The following PLA2G4A variants were observed in gnomAD, a reference collection of about 807,000 sequenced individuals.
The protein encoded by PLA2G4A is cytosolic phospholipase A2.
Under a neutral mutation model 81.9 loss-of-function variants are expected in PLA2G4A, and 40 were observed. The observed-to-expected ratio is 0.49, with a 90% CI of 0.38 to 0.64. PLA2G4A has a LOEUF of 0.64. Ranked by LOEUF, PLA2G4A falls within the 30% of genes least tolerant of loss-of-function variation. The pLI is 0.00. For synonymous variants in PLA2G4A, 302 were observed against 296.9 expected (o/e 1.02, Z -0.18); for missense variants, 715 against 905.1 (o/e 0.79, Z 2.69).
intron 1 of PLA2G4A, among the ~76,000 whole-genome samples, chr1:186,830,312 AAGTAAGT>A (rs1651498284): frequency 6.6e-6 from 1 of 152,182 alleles, no homozygotes. Flanking sequence ...TATTTTTAAA[AAGTAAGT>A]TATTCTGGCT....
intron 5 of PLA2G4A, among the ~76,000 whole-genome samples, chr1:186,897,539 C>T (rs1430241342): frequency 6.6e-6 from 1 of 151,930 alleles, no homozygotes; most frequent in South Asian, 2.1e-4. Context: ...GACAGGGTCT[C>T]GCTCTGTTGC....
intron 13 of PLA2G4A, among the ~76,000 whole-genome samples, chr1:186,954,643 T>C (rs1179498961): frequency 8.0e-6 from 1 of 125,006 alleles, no homozygotes; most frequent in Non-Finnish European, 1.6e-5. Flanking sequence ...TTATTGGAAA[T>C]TATGAAGCTG....
At position 186,988,417 on chromosome 1, in the gene PLA2G4A, G is replaced by C; in HGVS notation, c.2159G>C (p.Arg720Thr). The change falls in exon 18 of 18, where the codon AGA becomes ACA. Residue 720 changes from arginine to threonine, a missense_variant. Arg to Thr is a moderately conservative substitution (Grantham distance 71). Coordinates refer to ENST00000367466, the MANE Select transcript of PLA2G4A (RefSeq NM_024420.3). ...ATGGTTGAAAGCATTGAATATAGAA[G>C]ACAGAATCCATCTCGTTGCTCTGTT... ...EAMVESIEYR[R>T]QNPSRCSVSL... is the part of the protein sequence containing the mutation. 6.2e-7 allele frequency: 1 copy of C among 1,611,752 alleles called. No homozygotes were observed. Among genetic ancestry groups the C allele is most frequent in the Non-Finnish European group, 8.5e-7 (1 of 1,178,056 alleles).
chr1:186,829,401 A>T (rs1043573349), intron 1 of PLA2G4A, among the ~76,000 whole-genome samples: 1 of 152,242 alleles, frequency 6.6e-6, no homozygotes, highest in Non-Finnish European at 1.5e-5. Flanking sequence ...CTTGAGCAGC[A>T]GCATGCTGTG....
intron 15 of PLA2G4A, among the ~76,000 whole-genome samples, chr1:186,968,704 G>T (rs947094738): frequency 1.3e-5 from 2 of 151,248 alleles, no homozygotes; most frequent in Non-Finnish European, 3.0e-5. Context: ...CATTATCCTT[G>T]CACATGAATC....
chr1:186,907,293 G>A (rs1184001132), intron 6 of PLA2G4A, among the ~76,000 whole-genome samples: 3 of 152,138 alleles, frequency 2.0e-5, no homozygotes, highest in Admixed American at 6.5e-5. Context: ...CCCTCTAGTC[G>A]TACATCTATT....
chr1:186,849,278 A>T (rs1436059129), intron 1 of PLA2G4A, among the ~76,000 whole-genome samples: 1 of 152,078 alleles, frequency 6.6e-6, no homozygotes, highest in African/African-American at 2.4e-5. Context: ...AATAAGATAA[A>T]TATGGCCACT....
chr1:186,979,183 A>C lies in PLA2G4A; in HGVS notation c.1961-132A>C. 4 of 710,636 alleles carry C rather than the reference A, an allele frequency of 5.6e-6. No individual in the cohort carries two copies. The South Asian group carries it at 6.1e-5, about 11-fold the overall frequency. 44.0% of individuals were successfully genotyped at this position (710,636 alleles called of 1,614,324 possible). A position where few individuals can be genotyped will look rare whatever the true frequency, so the allele number is the denominator to read the frequency against. On this transcript the variant is annotated intron_variant, in intron 16 of 17. Coordinates refer to ENST00000367466, the MANE Select transcript of PLA2G4A (RefSeq NM_024420.3). ...AACACACAGACACGATAAAAGTCAG[A>C]GATGCTACAGAGTACCTGGCTCTGT...
intron 3 of PLA2G4A, among the ~76,000 whole-genome samples, chr1:186,878,999 A>G (rs1312120536): frequency 1.3e-5 from 2 of 151,830 alleles, no homozygotes; most frequent in African/African-American, 4.8e-5. Flanking sequence ...AATGCTTACT[A>G]TATGTTATTT....
intron 8 of PLA2G4A, among the ~76,000 whole-genome samples, chr1:186,934,268 C>CT (rs1446166864): frequency 1.3e-5 from 2 of 151,948 alleles, no homozygotes; most frequent in East Asian, 3.9e-4. Context: ...TTAAACTCAT[C>CT]TAATAAAGCA....
intron 6 of PLA2G4A, among the ~76,000 whole-genome samples, chr1:186,907,370 C>T (rs1375558211): frequency 6.6e-6 from 1 of 152,112 alleles, no homozygotes; most frequent in East Asian, 1.9e-4. Flanking sequence ...TATTCAAAAA[C>T]ATAGAAGTGA....
chr1:186,849,297 G>A (rs954633575), intron 1 of PLA2G4A, among the ~76,000 whole-genome samples: 1 of 152,028 alleles, frequency 6.6e-6, no homozygotes, highest in African/African-American at 2.4e-5. Context: ...CTGACTTAAT[G>A]CCTCTTTTGT....
chr1:186,878,569 A>G (rs572616474), intron 3 of PLA2G4A, among the ~76,000 whole-genome samples: 3 of 151,892 alleles, frequency 2.0e-5, no homozygotes, highest in South Asian at 2.1e-4. Flanking sequence ...TCTCTCTCAC[A>G]TCTCTTATCT....
In PLA2G4A at chr1:186,988,396, T is replaced by A. The variant is rs377637574; in HGVS notation, c.2138T>A (p.Val713Asp). The A allele has an allele frequency of 4.7e-5, 75 of 1,611,908 alleles. No individual in the cohort carries two copies. The highest frequency in any genetic ancestry group is 6.4e-5 in the Non-Finnish European group (75 of 1,178,188). The change falls in exon 18 of 18, where the codon GTT (valine) becomes GAT (aspartate). Residue 713 changes from valine to aspartate, a missense_variant. Val to Asp is a radical substitution (Grantham distance 152). Coordinates refer to ENST00000367466, the MANE Select transcript of PLA2G4A (RefSeq NM_024420.3). ...TTGCAGGTGATAAAAGAAGCCATGG[T>A]TGAAAGCATTGAATATAGAAGACAG... ...NNIDVIKEAM[V>D]ESIEYRRQNP...
At position 186,832,955 on chromosome 1, in the gene PLA2G4A, G is replaced by A. The variant is rs560224480; in HGVS notation, c.-70+3920G>A. Among the ~76,000 whole-genome samples, 10 of 152,216 alleles carry A rather than the reference G, an allele frequency of 6.6e-5. No individual in the cohort carries two copies. In the South Asian group the frequency reaches 2.1e-3, roughly 32 times the overall value. On this transcript the variant is annotated intron_variant, in intron 1 of 17. Transcript: ENST00000367466. The stretch of plus-strand genomic sequence containing the variant: ...TGGGTGAGAATACATAGAAAAATGA[G>A]AGCAAATTATTTTTTATTCTCATAG...
intron 3 of PLA2G4A, among the ~76,000 whole-genome samples, chr1:186,874,583 G>A (rs999791406): frequency 6.6e-6 from 1 of 151,948 alleles, no homozygotes; most frequent in Non-Finnish European, 1.5e-5. Context: ...TTCCTTGTCT[G>A]GCCCCTTTAT....
intron 7 of PLA2G4A, among the ~76,000 whole-genome samples, chr1:186,912,740 ACAT>A (rs1654995727): frequency 6.9e-6 from 1 of 145,364 alleles, no homozygotes; most frequent in Non-Finnish European, 1.5e-5. Flanking sequence ...ACATATATAT[ACAT>A]ATATATGTAT....
chr1:186,857,070 A>ATATAT (rs1558367389), intron 2 of PLA2G4A, among the ~76,000 whole-genome samples: 1 of 20,062 alleles, frequency 5.0e-5, no homozygotes, highest in Non-Finnish European at 7.3e-5. Context: ...TGCAGCCCCC[A>ATATAT]CATATATTAT....
chr1:186,937,094 A>G (rs1252801763), intron 8 of PLA2G4A, among the ~76,000 whole-genome samples: 1 of 151,744 alleles, frequency 6.6e-6, no homozygotes, highest in Non-Finnish European at 1.5e-5. Flanking sequence ...ACACCATGAA[A>G]AGATTATCCA....
Sources: allele counts gnomAD v4.1 joint callset (sites outside exome capture counted in the v4.1 genomes callset), GRCh38; gene constraint gnomAD v4.1.1; transcripts MANE v1.5; gene names NCBI Gene and HGNC (gene_info 2026-07-23, HGNC 2026-07-21).